Variants in RGS6 observed in about 807,000 individuals in gnomAD.
RGS6 encodes regulator of G protein signaling 6.
RGS6 carries 30 observed loss-of-function variants against 78.5 expected under a neutral mutation model. That is an observed-to-expected ratio of 0.38 (90% CI 0.29 to 0.52). The LOEUF (loss-of-function observed/expected upper bound fraction) is 0.52, where lower values mean the gene tolerates loss of function less well. RGS6 is among the 20% of genes least tolerant of loss of function. The pLI, the probability that RGS6 is intolerant of heterozygous loss-of-function variation, is 0.85. For synonymous variants in RGS6, 206 were observed against 206.0 expected (o/e 1.00, Z 0.00); for missense variants, 495 against 609.7 (o/e 0.81, Z 1.98).
At chr14:72,493,495 G>A (rs527594595) in intron 12 of RGS6, among the ~76,000 whole-genome samples, 216 of 86,402 alleles carry the variant, frequency 2.5e-3, no homozygotes, top group African/African-American at 0.011. Context: ...GTCCAATATT[G>A]AACTGGAAAA....
intron 3 of RGS6, among the ~76,000 whole-genome samples, chr14:72,440,265 A>G (rs958931776): frequency 3.9e-5 from 6 of 152,184 alleles, no homozygotes; most frequent in Non-Finnish European, 8.8e-5. Flanking sequence ...CAGTTTGCTC[A>G]GGGGATTTAT....
chr14:72,494,392 A>C (rs1476297347), intron 12 of RGS6, among the ~76,000 whole-genome samples: 2 of 152,216 alleles, frequency 1.3e-5, no homozygotes, highest in Non-Finnish European at 2.9e-5. Context: ...AGGAATAGAT[A>C]TAAAAGCGTA....
chr14:72,364,956 T>C (rs975893276), intron 3 of RGS6, among the ~76,000 whole-genome samples: 5 of 152,166 alleles, frequency 3.3e-5, no homozygotes, highest in African/African-American at 9.7e-5. Flanking sequence ...ATAATGTTGA[T>C]AAAAAGTAGT....
Position 72,110,254 on chromosome 14 carries a change from T to G in RGS6, c.84+145379T>G, listed in dbSNP as rs77687070. On this transcript the variant is annotated intron_variant, in intron 2 of 17. Transcript: ENST00000553525. ...ATCTCTAGTTTACAGAGGAAGAGAC[T>G]TATTTTAACTCAGAGTATGTTGTCC... Among the ~76,000 whole-genome samples, 626 of 152,318 alleles carry G rather than the reference T, an allele frequency of 4.1e-3. 19 individuals are homozygous for G. In the East Asian group the frequency reaches 0.066, roughly 16 times the overall value.
At chr14:72,041,761 A>G (rs576484514) in intron 2 of RGS6, among the ~76,000 whole-genome samples, 1 of 152,288 alleles carries the variant, frequency 6.6e-6, no homozygotes, top group East Asian at 1.9e-4. Flanking sequence ...TTATAAAGGC[A>G]TTTTGTACAA....
intron 2 of RGS6, among the ~76,000 whole-genome samples, chr14:72,036,200 A>ATATTATTATTATTATTATTAT (rs3053081): frequency 5.4e-5 from 8 of 146,814 alleles, no homozygotes; most frequent in Non-Finnish European, 7.5e-5. Context: ...GCATGTAAAC[A>ATATTATTATTATTATTATTAT]TATTATTATT....
intron 3 of RGS6, among the ~76,000 whole-genome samples, chr14:72,358,351 C>T (rs2080795681): frequency 6.6e-6 from 1 of 152,212 alleles, no homozygotes; most frequent in Admixed American, 6.5e-5. Context: ...ATGGTAGGTC[C>T]ACCCCCAGCT....
At chr14:72,288,092 A>G (rs1245523224) in intron 2 of RGS6, among the ~76,000 whole-genome samples, 3 of 152,196 alleles carry the variant, frequency 2.0e-5, no homozygotes, top group Non-Finnish European at 4.4e-5. Context: ...GTGTCAAGGT[A>G]ATACTGGCCT....
upstream of RGS6, among the ~76,000 whole-genome samples, chr14:71,932,170 C>A (rs2087921433): frequency 6.6e-6 from 1 of 152,222 alleles, no homozygotes; most frequent in Admixed American, 6.5e-5. Flanking sequence ...GAGGATGAGG[C>A]ATTTCTAGGT....
At chr14:72,306,430 T>C (rs1290309436) in intron 2 of RGS6, among the ~76,000 whole-genome samples, 1 of 152,224 alleles carries the variant, frequency 6.6e-6, no homozygotes, top group Non-Finnish European at 1.5e-5. Flanking sequence ...GAAATATACT[T>C]TGTGAGGCTA....
chr14:71,924,762 G>C, the RGS6 span, among the ~76,000 whole-genome samples: 1 of 152,240 alleles, frequency 6.6e-6, no homozygotes, highest in Admixed American at 6.5e-5. Flanking sequence ...CATGTATATG[G>C]AATGTACATG....
At chr14:72,620,703 C>A in the RGS6 span, among the ~76,000 whole-genome samples, 20 of 152,378 alleles carry the variant, frequency 1.3e-4, no homozygotes, top group Admixed American at 1.2e-3. Context: ...TCAAGCACTT[C>A]TTTTCCACAA....
At position 72,343,797 on chromosome 14, in the gene RGS6, C is replaced by CA. The variant is rs538103629; in HGVS notation, c.85-8295dup. On this transcript the variant is annotated intron_variant, in intron 2 of 17. Coordinates refer to ENST00000553525, the MANE Select transcript of RGS6 (RefSeq NM_001204424.2). ...TTGGCCTTGAACAATTTACCGTTCC[C>CA]AAATATCAGCATGTTTTTCTGTAAA... 2.1e-4 allele frequency among the ~76,000 whole-genome samples: 32 copies of CA among 152,266 alleles called. No individual in the cohort carries two copies. In the East Asian group the frequency reaches 5.0e-3, roughly 24 times the overall value.
chr14:72,007,707 C>T (rs2084855072), intron 2 of RGS6, among the ~76,000 whole-genome samples: 2 of 152,162 alleles, frequency 1.3e-5, no homozygotes, highest in South Asian at 4.1e-4. Context: ...CAGATCCTCT[C>T]TATCAACCAG....
chr14:72,396,162 A>G lies in RGS6; in HGVS notation c.184+43968A>G, dbSNP rs758021354. Reference sequence around the variant, plus strand: ...ACAGTCCCACCAACAGTGTAAAAGCATTCCTATTTCTCCACATCCTCTCCA... The same window carrying G: ...ACAGTCCCACCAACAGTGTAAAAGCGTTCCTATTTCTCCACATCCTCTCCA... On this transcript the variant is annotated intron_variant, in intron 3 of 17. Transcript: ENST00000553525. Among the ~76,000 whole-genome samples the G allele has an allele frequency of 3.0e-4, 46 of 152,274 alleles. 2 individuals carry two copies. The highest frequency in any genetic ancestry group is 1.5e-3 in the South Asian group (7 of 4,826).
chr14:72,340,267 G>C (rs547070293), intron 2 of RGS6, among the ~76,000 whole-genome samples: 1 of 152,254 alleles, frequency 6.6e-6, no homozygotes, highest in East Asian at 1.9e-4. Flanking sequence ...GAGCAGTCTG[G>C]GACATCAAAC....
At chr14:72,159,749 G>T (rs2096826917) in intron 2 of RGS6, among the ~76,000 whole-genome samples, 1 of 152,024 alleles carries the variant, frequency 6.6e-6, no homozygotes, top group South Asian at 2.1e-4. Context: ...CTGAATAGAA[G>T]TTTCTCCCTA....
At chr14:72,542,113 A>AAAAAAACAC (rs375561739) in intron 17 of RGS6, among the ~76,000 whole-genome samples, 1 of 152,078 alleles carries the variant, frequency 6.6e-6, no homozygotes, top group African/African-American at 2.4e-5. Flanking sequence ...ATTAAAAAAA[A>AAAAAAACAC]CTAAATTCCT....
At chr14:72,569,195 A>G (rs1257809281), downstream of RGS6, among the ~76,000 whole-genome samples, 3 of 152,112 alleles carry the variant, frequency 2.0e-5, no homozygotes, top group Non-Finnish European at 4.4e-5. Flanking sequence ...TCACCGTTTT[A>G]TATTACAACA....
Sources: allele counts gnomAD v4.1 joint callset (sites outside exome capture counted in the v4.1 genomes callset), GRCh38; gene constraint gnomAD v4.1.1; transcripts MANE v1.5; gene names NCBI Gene and HGNC (gene_info 2026-07-23, HGNC 2026-07-21).